The following PRKN variants were observed in gnomAD, a reference collection of about 807,000 sequenced individuals.
PRKN encodes parkin RBR E3 ubiquitin protein ligase.
Under a neutral mutation model 59.5 loss-of-function variants are expected in PRKN, and 56 were observed. The observed-to-expected ratio is 0.94, with a 90% CI of 0.76 to 1.18. The LOEUF is 1.18. PRKN is among the 50% of genes most tolerant of loss of function. The pLI, the probability that PRKN is intolerant of heterozygous loss-of-function variation, is 0.00. For synonymous variants in PRKN, 250 were observed against 222.1 expected (o/e 1.13, Z -1.12); for missense variants, 657 against 596.4 (o/e 1.10, Z -1.06).
rs545873212 is a variant in PRKN, at chr6:162,642,796, A to G, written c.7+84866T>C. Among the ~76,000 whole-genome samples the G allele has an allele frequency of 1.5e-3, 224 of 151,940 alleles. 1 individual carries two copies. Among genetic ancestry groups the G allele is most frequent in the East Asian group, 2.3e-3 (12 of 5,124 alleles). On this transcript the variant is annotated intron_variant, in intron 1 of 11. Coordinates refer to ENST00000366898, the MANE Select transcript of PRKN (RefSeq NM_004562.3). ...AAATTCACCTCATGTGAAGTCTTAA[A>G]TTGTTTCTTTTTTAGTAGTTTCTGT...
At chr6:162,432,293 C>T (rs9364656) in intron 2 of PRKN, among the ~76,000 whole-genome samples, 17,468 of 151,992 alleles carry the variant, frequency 0.11, 1,389 homozygotes, top group African/African-American at 0.23. Flanking sequence ...TTTGGGAGGC[C>T]GAGGCAGACG....
chr6:162,611,575 C>CAAGGGCATTGTATTTCAAG (rs1474166295), intron 1 of PRKN, among the ~76,000 whole-genome samples: 1 of 152,120 alleles, frequency 6.6e-6, no homozygotes, highest in Non-Finnish European at 1.5e-5. Flanking sequence ...ACCTCCAGTA[C>CAAGGGCATTGTATTTCAAG]AAGGGCATTG....
chr6:161,744,205 C>T (rs1428039955), intron 7 of PRKN, among the ~76,000 whole-genome samples: 2 of 148,336 alleles, frequency 1.3e-5, no homozygotes, highest in African/African-American at 5.0e-5. Flanking sequence ...TTTTTTCAAA[C>T]TGGGTATAAT....
chr6:161,392,856 A>G (rs1251089078), intron 9 of PRKN, among the ~76,000 whole-genome samples: 1 of 152,150 alleles, frequency 6.6e-6, no homozygotes, highest in Non-Finnish European at 1.5e-5. Context: ...TTAACATTGA[A>G]GTCATATTTT....
intron 4 of PRKN, among the ~76,000 whole-genome samples, chr6:162,109,362 C>T (rs1780326014): frequency 6.6e-6 from 1 of 152,142 alleles, no homozygotes; most frequent in African/African-American, 2.4e-5. Context: ...TTATAAAATC[C>T]ACTAGAAAAT....
intron 4 of PRKN, among the ~76,000 whole-genome samples, chr6:162,088,390 CAG>C (rs1401304063): frequency 6.6e-6 from 1 of 152,068 alleles, no homozygotes; most frequent in African/African-American, 2.4e-5. Flanking sequence ...AAATGAATAA[CAG>C]ATAGCTAGTT....
At chr6:162,199,070 C>T (rs912385905) in intron 4 of PRKN, among the ~76,000 whole-genome samples, 1 of 152,132 alleles carries the variant, frequency 6.6e-6, no homozygotes. Flanking sequence ...CTGGCAGAAG[C>T]GACTTTTCAA....
rs1222281474 is a variant in PRKN at position 161,451,735 on chromosome 6, G to A, written c.1084-64858C>T. 2.0e-5 allele frequency among the ~76,000 whole-genome samples: 3 copies of A among 152,192 alleles called. No individual in the cohort carries two copies. Among genetic ancestry groups the A allele is most frequent in the Non-Finnish European group, 4.4e-5 (3 of 68,044 alleles). The stretch of plus-strand genomic sequence containing the variant: ...ATTTGCAAGCTTGGGTGGACAGGCA[G>A]CTGCCAACAGTGACAGCAGGTGGCC... On this transcript the variant is annotated intron_variant, in intron 9 of 11. Coordinates refer to ENST00000366898, the MANE Select transcript of PRKN (RefSeq NM_004562.3). This position sits in a 1 kb window ranked among gnomAD's most constrained non-coding sequence, Gnocchi z 5.9.
chr6:161,689,653 C>G (rs1008375447), intron 7 of PRKN, among the ~76,000 whole-genome samples: 1 of 152,126 alleles, frequency 6.6e-6, no homozygotes, highest in Non-Finnish European at 1.5e-5. Flanking sequence ...ACAGTTTTCA[C>G]GCCCAGCTTA....
chr6:161,805,363 T>C (rs1050381043), intron 6 of PRKN, among the ~76,000 whole-genome samples: 6 of 152,140 alleles, frequency 3.9e-5, no homozygotes, highest in Non-Finnish European at 7.3e-5. Flanking sequence ...TCATCACATC[T>C]GGAAGCGTTC....
chr6:161,741,869 T>C (rs1788201330), intron 7 of PRKN, among the ~76,000 whole-genome samples: 1 of 152,192 alleles, frequency 6.6e-6, no homozygotes, highest in South Asian at 2.1e-4. Flanking sequence ...CCAGTGGAGA[T>C]AATTGAATCA....
intron 7 of PRKN, among the ~76,000 whole-genome samples, chr6:161,641,140 G>T (rs62436810): frequency 0.012 from 1,850 of 152,308 alleles, 16 homozygotes; most frequent in Non-Finnish European, 0.019. Context: ...TTGAAACAAA[G>T]ACGGTAACAG....
At position 161,354,659 on chromosome 6, in the gene PRKN, C is replaced by T. The variant is rs1784683858; in HGVS notation, c.1286-4448G>A. Among the ~76,000 whole-genome samples the T allele has an allele frequency of 1.3e-5, 2 of 152,158 alleles. No homozygotes were observed. The highest frequency in any genetic ancestry group is 2.4e-5 in the African/African-American group (1 of 41,442). ...GCTTCTCTGAGGGAGGAAGGGCATT[C>T]CTGAAACACAGCTGAGTATGTAACA... On this transcript the variant is annotated intron_variant, in intron 11 of 11. Coordinates refer to ENST00000366898, the MANE Select transcript of PRKN (RefSeq NM_004562.3). The surrounding 1 kb of genome is among the most constrained non-coding windows in gnomAD (Gnocchi z 6.7).
intron 7 of PRKN, among the ~76,000 whole-genome samples, chr6:161,737,118 A>AATTC (rs1787995568): frequency 6.6e-6 from 1 of 152,182 alleles, no homozygotes; most frequent in South Asian, 2.1e-4. Flanking sequence ...ATTCTGCAAG[A>AATTC]GCATACTGGA....
chr6:161,903,428 A>G (rs563190047), intron 6 of PRKN, among the ~76,000 whole-genome samples: 1 of 152,326 alleles, frequency 6.6e-6, no homozygotes, highest in African/African-American at 2.4e-5. Flanking sequence ...CCAAGGAGAC[A>G]GAAGTCAAAC....
intron 1 of PRKN, among the ~76,000 whole-genome samples, chr6:162,582,341 T>C (rs757371539): frequency 5.0e-4 from 76 of 152,204 alleles, no homozygotes; most frequent in Admixed American, 4.6e-4. Flanking sequence ...AGAATGTTTA[T>C]CCATGTGACT....
intron 9 of PRKN, among the ~76,000 whole-genome samples, chr6:161,455,830 T>A (rs1248305733): frequency 7.2e-6 from 1 of 138,630 alleles, no homozygotes; most frequent in East Asian, 2.1e-4. Context: ...GCCACTGCAC[T>A]CCAGCCTGGC....
At chr6:161,944,540 T>G (rs1010836671) in intron 6 of PRKN, among the ~76,000 whole-genome samples, 1 of 152,194 alleles carries the variant, frequency 6.6e-6, no homozygotes, top group African/African-American at 2.4e-5. Flanking sequence ...CACCCACTTC[T>G]GTGCTAAGTC....
At position 162,084,527 on chromosome 6, in the gene PRKN, G is replaced by A. The variant is rs536517114; in HGVS notation, c.535-30353C>T. The stretch of plus-strand genomic sequence containing the variant: ...TAGTATTATTTGGATATTAAGAACA[G>A]GACTTATAGGAGTCTTCAAAAATAA... On this transcript the variant is annotated intron_variant, in intron 4 of 11. Coordinates refer to ENST00000366898, the MANE Select transcript of PRKN (RefSeq NM_004562.3). Among the ~76,000 whole-genome samples, 7 of 152,154 alleles carry A rather than the reference G, an allele frequency of 4.6e-5. No individual in the cohort carries two copies. In the South Asian group the frequency reaches 1.5e-3, roughly 32 times the overall value.
Sources: gnomAD v4.1 joint callset for allele counts (sites outside exome capture counted in the v4.1 genomes callset) on GRCh38, gnomAD v4.1.1 for gene constraint, Gnocchi (gnomAD v3.1) non-coding constraint, MANE v1.5 for transcripts, NCBI Gene and HGNC (gene_info 2026-07-23, HGNC 2026-07-21) for gene names.